B3GLCT: variants seen among roughly 807,000 people sequenced by gnomAD.
B3GLCT encodes the protein beta 3-glucosyltransferase, also known as beta-1,3-glucosyltransferase.
A neutral mutation model predicts 63.4 loss-of-function variants in B3GLCT; 65 were observed. The ratio of observed to expected loss-of-function variants is 1.03; its 90% CI spans 0.84 to 1.26. The LOEUF is 1.26. Ranked by LOEUF, B3GLCT falls within the 50% of genes most tolerant of loss-of-function variation. The probability of loss-of-function intolerance (pLI) is 0.00; values close to 1 mark genes in which losing one functional copy is unlikely to be tolerated. For missense variants in B3GLCT, 577 were observed against 604.8 expected (o/e 0.95, Z 0.48); for synonymous variants, 233 against 219.2 (o/e 1.06, Z -0.55).
chr13:31,284,280 TCATG>T (rs1184741143), intron 10 of B3GLCT, among the ~76,000 whole-genome samples: 1 of 152,206 alleles, frequency 6.6e-6, no homozygotes, highest in Non-Finnish European at 1.5e-5. Flanking sequence ...AAAGGTCTTC[TCATG>T]CTCCACGGTA....
At chr13:31,310,494 C>T (rs1427631541) in intron 12 of B3GLCT, among the ~76,000 whole-genome samples, 1 of 152,154 alleles carries the variant, frequency 6.6e-6, no homozygotes, top group African/African-American at 2.4e-5. Flanking sequence ...CTTCTAGGGG[C>T]CTAGACCTCA....
Position 31,301,945 on chromosome 13 carries a change from G to T in B3GLCT, c.1064+15126G>T, listed in dbSNP as rs900810102. Among the ~76,000 whole-genome samples, 5 of 152,208 alleles carry T rather than the reference G, an allele frequency of 3.3e-5. No individual in the cohort carries two copies. In the South Asian group the frequency reaches 8.3e-4, roughly 25 times the overall value. On this transcript the variant is annotated intron_variant, in intron 12 of 14. Transcript: ENST00000343307. ...ACCTAAATATGTCCACCCTCCTGGG[G>T]TGAGTCCCATGGCTCTCCCCTTTCT... is the stretch of plus-strand genomic sequence containing the variant.
chr13:31,328,722 TA>T, intron 14 of B3GLCT, among the ~76,000 whole-genome samples: 1 of 149,612 alleles, frequency 6.7e-6, no homozygotes, highest in Admixed American at 6.6e-5. Context: ...AAAAAAGGTT[TA>T]CCGAGAGAAA....
chr13:31,213,249 TC>T (rs1869369898), intron 1 of B3GLCT, among the ~76,000 whole-genome samples: 1 of 152,190 alleles, frequency 6.6e-6, no homozygotes, highest in Non-Finnish European at 1.5e-5. Context: ...TTATTGAGTT[TC>T]TTCTATGTGC....
chr13:31,258,241 A>G (rs1315972160), intron 6 of B3GLCT, among the ~76,000 whole-genome samples: 1 of 152,196 alleles, frequency 6.6e-6, no homozygotes, highest in Admixed American at 6.5e-5. Context: ...CTGAACTCTC[A>G]ATGCCTTTCT....
chr13:31,264,630 A>G (rs75337887), intron 7 of B3GLCT, among the ~76,000 whole-genome samples: 1 of 152,206 alleles, frequency 6.6e-6, no homozygotes, highest in African/African-American at 2.4e-5. Context: ...CTTGTGGTCA[A>G]GATATATTTT....
At chr13:31,203,945 C>T (rs1171909665) in intron 1 of B3GLCT, among the ~76,000 whole-genome samples, 8 of 152,152 alleles carry the variant, frequency 5.3e-5, no homozygotes, top group African/African-American at 1.9e-4. Flanking sequence ...AAAAACTGCC[C>T]AAAGCCTCTC....
At chr13:31,242,205 T>A (rs1317015228) in intron 4 of B3GLCT, among the ~76,000 whole-genome samples, 1 of 152,192 alleles carries the variant, frequency 6.6e-6, no homozygotes, top group Non-Finnish European at 1.5e-5. Context: ...GGTGGGGCCA[T>A]GATCCCTCGT....
intron 2 of B3GLCT, among the ~76,000 whole-genome samples, chr13:31,220,720 A>G (rs528995708): frequency 6.6e-6 from 1 of 152,332 alleles, no homozygotes; most frequent in Admixed American, 6.5e-5. Context: ...TGAAATGGCT[A>G]ATCATTTCCT....
chr13:31,308,245 G>T lies in B3GLCT; in HGVS notation c.1065-9321G>T, dbSNP rs867346520. On this transcript the variant is annotated intron_variant, in intron 12 of 14. Coordinates refer to ENST00000343307, the MANE Select transcript of B3GLCT (RefSeq NM_194318.4). ...ATACCTAATGCTAGATGACACATTA[G>T]TGGGTGCAGCGCACCAGCATGGCAC... is the stretch of plus-strand genomic sequence containing the variant. 4.9e-3 allele frequency among the ~76,000 whole-genome samples: 287 copies of T among 58,620 alleles called. 5 individuals are homozygous for T. The highest frequency in any genetic ancestry group is 0.015 in the African/African-American group (275 of 18,456). 38.5% of individuals were successfully genotyped at this position (58,620 alleles called of 152,430 possible).
chr13:31,253,618 A>AAAAAAAAAAACAAAC, intron 6 of B3GLCT, among the ~76,000 whole-genome samples: 1 of 82,314 alleles, frequency 1.2e-5, no homozygotes, highest in Admixed American at 1.5e-4. Context: ...AAAAAAAAAA[A>AAAAAAAAAAACAAAC]AAACTAGAGA....
At chr13:31,302,245 A>G (rs1874256116) in intron 12 of B3GLCT, among the ~76,000 whole-genome samples, 1 of 152,226 alleles carries the variant, frequency 6.6e-6, no homozygotes. Flanking sequence ...TTTAACAACA[A>G]CATGTACCAT....
In B3GLCT at chr13:31,284,645, C is replaced by T; in HGVS notation, c.851-3C>T. On this transcript the variant is annotated splice_region_variant and splice_polypyrimidine_tract_variant and intron_variant, in intron 10 of 14. Coordinates refer to ENST00000343307, the MANE Select transcript of B3GLCT (RefSeq NM_194318.4). ...GTGATTGTCACCTCTGTAATTTTTTCAGTACCTATTGTTAAGCAGACTTGG... is the reference window on the plus strand; with the variant it reads ...GTGATTGTCACCTCTGTAATTTTTTTAGTACCTATTGTTAAGCAGACTTGG... 1 of 1,540,628 alleles carries T rather than the reference C, an allele frequency of 6.5e-7. No homozygotes were observed.
chr13:31,276,661 T>C (rs1169175978), intron 9 of B3GLCT, 41 bp from the exon 10 acceptor site: 2 of 1,335,470 alleles, frequency 1.5e-6, no homozygotes, highest in Non-Finnish European at 2.1e-6. Flanking sequence ...AAGTTAACGC[T>C]GACTCACATA....
chr13:31,208,654 G>A (rs1869107138), intron 1 of B3GLCT, among the ~76,000 whole-genome samples: 1 of 136,288 alleles, frequency 7.3e-6, no homozygotes, highest in Non-Finnish European at 1.5e-5. Flanking sequence ...CTTCATTGAG[G>A]CCCTTAGCGC....
chr13:31,220,216 G>T (rs966133595), intron 2 of B3GLCT, among the ~76,000 whole-genome samples: 1 of 152,112 alleles, frequency 6.6e-6, no homozygotes, highest in African/African-American at 2.4e-5. Context: ...AAATTCTTTC[G>T]AGGGTGTCAT....
At position 31,222,819 on chromosome 13, in the gene B3GLCT, G is replaced by A. The variant is rs150703421; in HGVS notation, c.121-133G>A. 2.2e-4 allele frequency: 150 copies of A among 684,276 alleles called. No homozygotes were observed. In the East Asian group the frequency reaches 3.4e-3, roughly 15 times the overall value. The allele number at this position is 684,276 out of a possible 1,614,324, so 42.4% of individuals were successfully genotyped here. A position where few individuals can be genotyped will look rare whatever the true frequency, so the allele number is the denominator to read the frequency against. ...TTCGGTCTCATTTCTTTAGGGAAGC[G>A]TTTCCAAGCTCCGTTTTTCAAATCT... On this transcript the variant is annotated intron_variant, in intron 2 of 14. Transcript: ENST00000343307.
chr13:31,259,104 G>C (rs945195840), intron 6 of B3GLCT, among the ~76,000 whole-genome samples: 7 of 151,558 alleles, frequency 4.6e-5, no homozygotes, highest in Non-Finnish European at 8.8e-5. Context: ...TTTTTCATTT[G>C]GCTCTTGTTT....
chr13:31,226,044 C>T (rs1024505944), intron 3 of B3GLCT, among the ~76,000 whole-genome samples: 2 of 152,222 alleles, frequency 1.3e-5, no homozygotes, highest in African/African-American at 4.8e-5. Flanking sequence ...AGGCTGTGGG[C>T]TCTGTGGTGA....
Sources: allele counts gnomAD v4.1 joint callset (sites outside exome capture counted in the v4.1 genomes callset), GRCh38; gene constraint gnomAD v4.1.1; transcripts MANE v1.5; gene names NCBI Gene and HGNC (gene_info 2026-07-23, HGNC 2026-07-21).